DACH2: variants seen among roughly 807,000 people sequenced by gnomAD.
DACH2 encodes the protein dachshund family transcription factor 2.
A neutral mutation model predicts 35.8 loss-of-function variants in DACH2; 17 were observed. That is an observed-to-expected ratio of 0.48 (90% CI 0.33 to 0.71). The LOEUF (loss-of-function observed/expected upper bound fraction) is 0.71, where lower values mean the gene tolerates loss of function less well. Among genes scored for constraint, DACH2 ranks in the 30% least tolerant of loss-of-function variants. The pLI, the probability that DACH2 is intolerant of heterozygous loss-of-function variation, is 0.02. For synonymous variants in DACH2, 195 were observed against 177.3 expected (o/e 1.10, Z -0.79); for missense variants, 469 against 472.7 (o/e 0.99, Z 0.07).
chrX:86,823,187 A>G lies in DACH2; in HGVS notation c.1750+7088A>G, dbSNP rs541085797. Among the ~76,000 whole-genome samples the G allele has an allele frequency of 9.0e-5, 10 of 111,499 alleles. No individual in the cohort carries two copies. The South Asian group carries it at 3.0e-3, about 34-fold the overall frequency. On this transcript the variant is annotated intron_variant, in intron 11 of 11. Transcript: ENST00000373125. ...TGACCTCAGGTAATCCACCCGCCTC[A>G]GCCTCTCAAAATGCTGGGATTACAG...
chrX:86,434,575 G>T (rs1335526606), intron 2 of DACH2, among the ~76,000 whole-genome samples: 1 of 111,357 alleles, frequency 9.0e-6, no homozygotes, highest in African/African-American at 3.3e-5. Context: ...CAAGATTAAG[G>T]TACAGTTGTA....
At chrX:86,566,533 G>C (rs750111023) in intron 3 of DACH2, among the ~76,000 whole-genome samples, 2 of 111,257 alleles carry the variant, frequency 1.8e-5, no homozygotes, top group East Asian at 5.7e-4. Flanking sequence ...ATAAGCCTTA[G>C]TCGATTAAAA....
At chrX:86,285,527 C>T (rs776758429) in intron 1 of DACH2, among the ~76,000 whole-genome samples, 28 of 111,530 alleles carry the variant, frequency 2.5e-4, no homozygotes, top group Non-Finnish European at 4.5e-4. Context: ...AGAGAAGATG[C>T]GTGGTATTAT....
rs566158116 is a variant in DACH2 at position 86,315,864 on chromosome X, C to G, written c.489-60960C>G. Reference sequence around the variant, plus strand: ...ACAGAGAGAGAGAGGGAGATTGGAGCAGGAGTTTAATAGGCATAAGAAAAG... The same window carrying G: ...ACAGAGAGAGAGAGGGAGATTGGAGGAGGAGTTTAATAGGCATAAGAAAAG... On this transcript the variant is annotated intron_variant, in intron 1 of 11. Coordinates refer to ENST00000373125, the MANE Select transcript of DACH2 (RefSeq NM_053281.3). Among the ~76,000 whole-genome samples the G allele has an allele frequency of 1.7e-4, 17 of 99,864 alleles. No individual in the cohort carries two copies. The South Asian group carries it at 4.1e-3, about 24-fold the overall frequency. 86.7% of individuals were successfully genotyped at this position (99,864 alleles called of 115,157 possible).
At chrX:86,193,561 A>G (rs1333634354) in intron 1 of DACH2, among the ~76,000 whole-genome samples, 1 of 112,007 alleles carries the variant, frequency 8.9e-6, no homozygotes, top group Admixed American at 9.6e-5. Flanking sequence ...TTTTCTGGAC[A>G]TAACTGAAAG....
intron 2 of DACH2, among the ~76,000 whole-genome samples, chrX:86,393,731 A>G (rs1413809414): frequency 9.0e-6 from 1 of 111,341 alleles, no homozygotes; most frequent in Non-Finnish European, 1.9e-5. Context: ...TGATGCCTAT[A>G]AGCAGCTAGA....
intron 1 of DACH2, among the ~76,000 whole-genome samples, chrX:86,296,734 G>A (rs1250705594): frequency 9.0e-6 from 1 of 110,532 alleles, no homozygotes; most frequent in African/African-American, 3.3e-5. Context: ...AAAAATATTT[G>A]GTAAAATTTA....
At chrX:86,422,520 T>C (rs7054034) in intron 2 of DACH2, among the ~76,000 whole-genome samples, 9,577 of 109,713 alleles carry the variant, frequency 0.087, 1,072 homozygotes, top group African/African-American at 0.3. Context: ...GTTTTTCAAG[T>C]GTTTTTAAAA....
intron 1 of DACH2, among the ~76,000 whole-genome samples, chrX:86,333,822 T>C (rs1001800086): frequency 1.8e-5 from 2 of 111,528 alleles, no homozygotes; most frequent in Admixed American, 1.9e-4. Context: ...GTTTGTCACA[T>C]AGCTATACAC....
chrX:86,400,572 T>G (rs1369171884), intron 2 of DACH2, among the ~76,000 whole-genome samples: 1 of 112,005 alleles, frequency 8.9e-6, no homozygotes, highest in East Asian at 2.8e-4. Context: ...GGATGTCCTT[T>G]CTCTTTGTTA....
At chrX:86,192,910 A>G (rs1452477191) in intron 1 of DACH2, among the ~76,000 whole-genome samples, 1 of 112,155 alleles carries the variant, frequency 8.9e-6, no homozygotes, top group African/African-American at 3.2e-5. Flanking sequence ...TCTGCTTTTT[A>G]TTTATTTTGG....
At chrX:86,275,391 A>AC (rs1450538757) in intron 1 of DACH2, among the ~76,000 whole-genome samples, 1 of 111,397 alleles carries the variant, frequency 9.0e-6, no homozygotes, top group Non-Finnish European at 1.9e-5. Context: ...TTGTTTTTTT[A>AC]ACCTTTAAAG....
chrX:86,619,695 T>A lies in DACH2; in HGVS notation c.641-31341T>A, dbSNP rs144153144. Among the ~76,000 whole-genome samples the A allele has an allele frequency of 6.3e-4, 71 of 112,105 alleles. 2 individuals carry two copies. Among genetic ancestry groups the A allele is most frequent in the African/African-American group, 2.3e-3 (70 of 30,912 alleles). ...CCTATCATCTTTTTCCCACGCAAAC[T>A]GTGCAAGTGAATTGCTGAATGAACA... On this transcript the variant is annotated intron_variant, in intron 3 of 11. Coordinates refer to ENST00000373125, the MANE Select transcript of DACH2 (RefSeq NM_053281.3).
chrX:86,268,959 G>T (rs745579733), intron 1 of DACH2, among the ~76,000 whole-genome samples: 12 of 111,284 alleles, frequency 1.1e-4, no homozygotes, highest in Non-Finnish European at 1.9e-4. Context: ...ATCCCCTCAA[G>T]AATTTATCCT....
At chrX:86,324,609 C>T (rs1445579793) in intron 1 of DACH2, among the ~76,000 whole-genome samples, 2 of 84,455 alleles carry the variant, frequency 2.4e-5, no homozygotes, top group Non-Finnish European at 4.4e-5. Context: ...GATGGCGTCT[C>T]ACTCTGTGGC....
At chrX:86,295,289 C>T (rs969670560) in intron 1 of DACH2, among the ~76,000 whole-genome samples, 40 of 111,962 alleles carry the variant, frequency 3.6e-4, no homozygotes, top group African/African-American at 1.0e-3. Context: ...GCGCACGGTG[C>T]GCGCACCCAC....
At chrX:86,467,847 G>C (rs964285499) in intron 2 of DACH2, among the ~76,000 whole-genome samples, 24 of 111,511 alleles carry the variant, frequency 2.2e-4, no homozygotes, top group African/African-American at 7.8e-4. Flanking sequence ...AGCAAAGCGG[G>C]GAAAGCTTCT....
chrX:86,365,075 A>G (rs1353694312), intron 1 of DACH2, among the ~76,000 whole-genome samples: 1 of 111,785 alleles, frequency 8.9e-6, no homozygotes, highest in African/African-American at 3.2e-5. Context: ...AATGGCTAAC[A>G]ATCTTCATAG....
chrX:86,609,290 T>A, intron 3 of DACH2, among the ~76,000 whole-genome samples: 1 of 112,308 alleles, frequency 8.9e-6, no homozygotes, highest in Non-Finnish European at 1.9e-5. Context: ...GCCAGTTGCA[T>A]TTTTCCACTC....
Sources: gnomAD v4.1 joint callset for allele counts (sites outside exome capture counted in the v4.1 genomes callset) on GRCh38, gnomAD v4.1.1 for gene constraint, MANE v1.5 for transcripts, NCBI Gene and HGNC (gene_info 2026-07-23, HGNC 2026-07-21) for gene names.